The following ADAM32 variants were observed in gnomAD, a reference collection of about 807,000 sequenced individuals.
ADAM32 encodes ADAM metallopeptidase domain 32.
Under a neutral mutation model 114.9 loss-of-function variants are expected in ADAM32, and 89 were observed. The observed-to-expected ratio is 0.77, with a 90% CI of 0.65 to 0.92. ADAM32 has a LOEUF of 0.92. Ranked by LOEUF, ADAM32 falls within the 40% of genes least tolerant of loss-of-function variation. The pLI, the probability that ADAM32 is intolerant of heterozygous loss-of-function variation, is 0.00. For missense variants in ADAM32, 870 were observed against 932.8 expected (o/e 0.93, Z 0.88); for synonymous variants, 285 against 307.5 (o/e 0.93, Z 0.77).
intron 6 of ADAM32, among the ~76,000 whole-genome samples, chr8:39,153,484 C>G (rs1428462215): frequency 6.6e-6 from 1 of 152,218 alleles, no homozygotes; most frequent in Non-Finnish European, 1.5e-5. Context: ...TGCCCTTCAG[C>G]CAACTGAAAC....
intron 6 of ADAM32, 124 bp downstream of exon 6, chr8:39,151,672 T>A: frequency 1.5e-6 from 1 of 658,994 alleles, no homozygotes; most frequent in Non-Finnish European, 2.2e-6. Flanking sequence ...GTGAACATCT[T>A]ATCTTTTTTT....
At chr8:39,114,372 A>G (rs1840289478) in intron 1 of ADAM32, among the ~76,000 whole-genome samples, 1 of 152,214 alleles carries the variant, frequency 6.6e-6, no homozygotes, top group African/African-American at 2.4e-5. Context: ...CTCACTCCTT[A>G]ATGAAAAGGC....
intron 8 of ADAM32, 28 bp from the exon 9 acceptor site, chr8:39,165,002 T>C: frequency 6.4e-7 from 1 of 1,550,752 alleles, no homozygotes; most frequent in Non-Finnish European, 8.8e-7. Context: ...ATATTAATTA[T>C]GCATGTATTT....
intron 12 of ADAM32, among the ~76,000 whole-genome samples, chr8:39,211,530 T>C (rs991500312): frequency 6.6e-6 from 1 of 152,152 alleles, no homozygotes; most frequent in Non-Finnish European, 1.5e-5. Flanking sequence ...CTGCAAAAAA[T>C]TATTGGTAAT....
Position 39,116,426 on chromosome 8 carries a change from T to C in ADAM32, c.59-1660T>C, listed in dbSNP as rs763222608. ...TCTGATTTCTTTGAGCAGTGTTTTG[T>C]AGTTCTCCTTGTAGAGATCTTTCAC... On this transcript the variant is annotated intron_variant, in intron 1 of 24. Coordinates refer to ENST00000379907, the MANE Select transcript of ADAM32 (RefSeq NM_145004.7). 2.4e-4 allele frequency among the ~76,000 whole-genome samples: 36 copies of C among 152,238 alleles called. 1 individual carries two copies. The highest frequency in any genetic ancestry group is 5.2e-4 in the Admixed American group (8 of 15,284).
chr8:39,226,922 AC>A (rs1809412438), intron 14 of ADAM32, among the ~76,000 whole-genome samples: 1 of 152,224 alleles, frequency 6.6e-6, no homozygotes, highest in South Asian at 2.1e-4. Context: ...AAAAGACAAA[AC>A]TACTGAAATA....
At chr8:39,142,187 A>C (rs935532915) in intron 3 of ADAM32, among the ~76,000 whole-genome samples, 33 of 152,308 alleles carry the variant, frequency 2.2e-4, no homozygotes, top group African/African-American at 6.7e-4. Flanking sequence ...TAATTGGGGC[A>C]TTTAGTCCAT....
rs1808201381 is a variant in ADAM32 at position 39,211,326 on chromosome 8, T to C, written c.1233+2T>C. 1 of 1,487,834 alleles carries C rather than the reference T, an allele frequency of 6.7e-7. No homozygotes were observed. Among genetic ancestry groups the C allele is most frequent in the South Asian group, 1.4e-5 (1 of 70,990 alleles). The allele number at this position is 1,487,834 out of a possible 1,614,324, so 92.2% of individuals were successfully genotyped here. A position where few individuals can be genotyped will look rare whatever the true frequency, so the allele number is the denominator to read the frequency against. On this transcript the variant is annotated splice_donor_variant, in intron 12 of 24. Transcript: ENST00000379907. LOFTEE classifies it high-confidence loss of function. ...ATCTGTGATTGTGGTACTGAGGCTG[T>C]AAGTATGATAACTAGGAAAATTGAT...
intron 17 of ADAM32, 92 bp from the exon 18 acceptor site, chr8:39,254,322 A>T: frequency 9.5e-7 from 1 of 1,055,638 alleles, no homozygotes; most frequent in Non-Finnish European, 1.4e-6. Flanking sequence ...AAACAAAATT[A>T]CACTAGATTA....
At chr8:39,143,411 G>C (rs566027563) in intron 3 of ADAM32, among the ~76,000 whole-genome samples, 56 of 152,196 alleles carry the variant, frequency 3.7e-4, no homozygotes, top group African/African-American at 1.3e-3. Flanking sequence ...TGTCCTTTTT[G>C]TTTATGTTGA....
intron 6 of ADAM32, among the ~76,000 whole-genome samples, chr8:39,156,989 G>A (rs946877256): frequency 6.6e-6 from 1 of 152,082 alleles, no homozygotes; most frequent in African/African-American, 2.4e-5. Context: ...CTAGCAATGA[G>A]CTTTTTCAGT....
chr8:39,194,874 C>T (rs1806858359), intron 11 of ADAM32, among the ~76,000 whole-genome samples: 1 of 151,946 alleles, frequency 6.6e-6, no homozygotes, highest in Non-Finnish European at 1.5e-5. Flanking sequence ...ACTCCTGCAC[C>T]AAACCTCTGG....
At position 39,160,942 on chromosome 8, in the gene ADAM32, C is replaced by T. The variant is rs1304887190; in HGVS notation, c.571C>T (p.His191Tyr). Residue 191 changes from histidine (H) to tyrosine (Y), a missense_variant, in exon 7 of 25, where the codon CAT (histidine) becomes TAT (tyrosine). Physicochemically the swap from His to Tyr is moderately conservative, Grantham distance 83 (BLOSUM62 2). Coordinates refer to ENST00000379907, the MANE Select transcript of ADAM32 (RefSeq NM_145004.7). The part of the protein sequence containing the change: ...PDLFPLYLEM[H>Y]IVVDKTLYDY... ...TTTATTTCCTCTTTATCTAGAAATG[C>T]ATATTGTGGTGGACAAAACTTTGGT... is the stretch of plus-strand genomic sequence containing the variant. 6.3e-7 allele frequency: 1 copy of T among 1,598,016 alleles called. No individual in the cohort carries two copies. Among genetic ancestry groups the T allele is most frequent in the African/African-American group, 1.3e-5 (1 of 74,754 alleles).
At chr8:39,284,723 G>A (rs1813671016) in intron 24 of ADAM32, 70 bp from the exon 25 acceptor site, 1 of 1,566,288 alleles carries the variant, frequency 6.4e-7, no homozygotes, top group South Asian at 1.1e-5. Flanking sequence ...CAATACCTCA[G>A]CTGCTTGTAC....
intron 11 of ADAM32, among the ~76,000 whole-genome samples, chr8:39,205,339 C>T (rs1383037684): frequency 6.6e-6 from 1 of 152,242 alleles, no homozygotes; most frequent in East Asian, 1.9e-4. Context: ...GGCGCCCCTC[C>T]CCCAGCCTCG....
intron 1 of ADAM32, among the ~76,000 whole-genome samples, chr8:39,110,194 A>G (rs1441227994): frequency 6.6e-6 from 1 of 151,926 alleles, no homozygotes; most frequent in Non-Finnish European, 1.5e-5. Context: ...TCAGCCTCCC[A>G]AATAGCTGGG....
chr8:39,193,446 CT>C (rs1413819081), intron 11 of ADAM32, among the ~76,000 whole-genome samples: 3 of 152,132 alleles, frequency 2.0e-5, no homozygotes, highest in Non-Finnish European at 4.4e-5. Context: ...GTTCAATGTT[CT>C]CCTGAATCTC....
chr8:39,257,088 A>G, intron 18 of ADAM32, 99 bp from the exon 19 acceptor site: 6 of 1,181,758 alleles, frequency 5.1e-6, no homozygotes, highest in Non-Finnish European at 2.3e-6. Context: ...TTGAATAACA[A>G]TACAAATTCA....
intron 2 of ADAM32, among the ~76,000 whole-genome samples, chr8:39,119,222 A>G (rs1184924419): frequency 6.6e-6 from 1 of 152,156 alleles, no homozygotes; most frequent in Non-Finnish European, 1.5e-5. Context: ...TCCCTTGGGT[A>G]GATTCTTAGG....
Sources: allele counts gnomAD v4.1 joint callset (sites outside exome capture counted in the v4.1 genomes callset), GRCh38; gene constraint gnomAD v4.1.1; transcripts MANE v1.5; gene names NCBI Gene and HGNC (gene_info 2026-07-23, HGNC 2026-07-21).